SLX4IP: variants seen among roughly 807,000 people sequenced by gnomAD.
SLX4IP encodes protein SLX4IP.
In SLX4IP, 34 loss-of-function variants were observed where a neutral mutation model predicts 32.9. That is an observed-to-expected ratio of 1.03 (90% CI 0.79 to 1.38). The LOEUF is 1.38. Ranked by LOEUF, SLX4IP falls within the 40% of genes most tolerant of loss-of-function variation. The probability of loss-of-function intolerance (pLI) is 0.00; values close to 1 mark genes in which losing one functional copy is unlikely to be tolerated. For synonymous variants in SLX4IP, 172 were observed against 171.7 expected (o/e 1.00, Z -0.01); for missense variants, 444 against 479.0 (o/e 0.93, Z 0.68).
chr20:10,435,618 G>T (rs2122305571), intron 1 of SLX4IP, among the ~76,000 whole-genome samples, 165 bp downstream of exon 1: 1 of 152,296 alleles, frequency 6.6e-6, no homozygotes, highest in East Asian at 1.9e-4. Flanking sequence ...CCAAAAAGTT[G>T]CTAAACATCA....
intron 2 of SLX4IP, among the ~76,000 whole-genome samples, chr20:10,519,183 C>T (rs1051716146): frequency 1.2e-4 from 18 of 152,090 alleles, no homozygotes; most frequent in African/African-American, 3.1e-4. Context: ...ATTGCCTTAT[C>T]GACTTTTAAA....
At chr20:10,451,237 T>C (rs1271558826) in intron 1 of SLX4IP, among the ~76,000 whole-genome samples, 2 of 151,982 alleles carry the variant, frequency 1.3e-5, no homozygotes, top group Non-Finnish European at 2.9e-5. Context: ...CTCGGCTCAC[T>C]GCAATTTGCG....
At chr20:10,481,320 T>C (rs988329405) in intron 2 of SLX4IP, among the ~76,000 whole-genome samples, 4 of 152,188 alleles carry the variant, frequency 2.6e-5, no homozygotes, top group African/African-American at 9.7e-5. Context: ...AGGAAAGATA[T>C]GGAGTCATCT....
intron 2 of SLX4IP, among the ~76,000 whole-genome samples, chr20:10,516,827 G>C (rs958027916): frequency 6.6e-6 from 1 of 152,184 alleles, no homozygotes; most frequent in African/African-American, 2.4e-5. Flanking sequence ...TGTCTGGGCT[G>C]TTATAGCTTT....
chr20:10,503,727 T>C (rs1350244662), intron 2 of SLX4IP, among the ~76,000 whole-genome samples: 1 of 152,216 alleles, frequency 6.6e-6, no homozygotes, highest in Non-Finnish European at 1.5e-5. Context: ...GGCAGGGCCA[T>C]GCTTTCTCTC....
At chr20:10,568,933 T>C (rs1017966123) in intron 4 of SLX4IP, among the ~76,000 whole-genome samples, 7 of 152,234 alleles carry the variant, frequency 4.6e-5, no homozygotes, top group Admixed American at 1.3e-4. Context: ...AAGAATTATC[T>C]CAGAGCCAAT....
intron 4 of SLX4IP, among the ~76,000 whole-genome samples, chr20:10,595,598 C>G (rs2066760655): frequency 6.6e-6 from 1 of 152,172 alleles, no homozygotes; most frequent in Non-Finnish European, 1.5e-5. Flanking sequence ...GCCTCCTGAA[C>G]TCTGTGAAGT....
intron 2 of SLX4IP, among the ~76,000 whole-genome samples, chr20:10,548,578 G>T (rs192031427): frequency 2.0e-5 from 3 of 152,254 alleles, no homozygotes; most frequent in East Asian, 3.9e-4. Flanking sequence ...TCATATTCAG[G>T]CTGTGTCTAA....
chr20:10,525,969 G>A (rs987048409), intron 2 of SLX4IP, among the ~76,000 whole-genome samples: 8 of 152,084 alleles, frequency 5.3e-5, no homozygotes, highest in African/African-American at 1.9e-4. Flanking sequence ...CCTTGCTGCC[G>A]GCATTCTTGG....
chr20:10,495,141 CTG>C (rs1316762702), intron 2 of SLX4IP, among the ~76,000 whole-genome samples: 1 of 152,034 alleles, frequency 6.6e-6, no homozygotes, highest in Non-Finnish European at 1.5e-5. Flanking sequence ...ACGTATATGA[CTG>C]TAAAATATAT....
chr20:10,515,579 CACTT>C (rs1157933819), intron 2 of SLX4IP, among the ~76,000 whole-genome samples: 1 of 152,160 alleles, frequency 6.6e-6, no homozygotes, highest in Non-Finnish European at 1.5e-5. Flanking sequence ...CCAGTCAAAA[CACTT>C]ACAATTATAG....
At chr20:10,438,322 G>A (rs181059002) in intron 1 of SLX4IP, among the ~76,000 whole-genome samples, 55 of 151,694 alleles carry the variant, frequency 3.6e-4, no homozygotes, top group African/African-American at 1.3e-3. Flanking sequence ...TTATGCCAGT[G>A]AAACCATCAC....
intron 4 of SLX4IP, among the ~76,000 whole-genome samples, chr20:10,592,574 C>T (rs1399634130): frequency 7.0e-6 from 1 of 142,518 alleles, no homozygotes; most frequent in Non-Finnish European, 1.5e-5. Flanking sequence ...TGAGTTACAA[C>T]TTCATTTTTC....
At chr20:10,470,315 G>A (rs1183174847) in intron 2 of SLX4IP, among the ~76,000 whole-genome samples, 8 of 152,170 alleles carry the variant, frequency 5.3e-5, no homozygotes, top group Admixed American at 5.2e-4. Flanking sequence ...CAGTCCCAGA[G>A]AATTCCATGG....
chr20:10,502,342 C>A (rs904802506), intron 2 of SLX4IP, among the ~76,000 whole-genome samples: 3 of 152,182 alleles, frequency 2.0e-5, no homozygotes, highest in Non-Finnish European at 4.4e-5. Context: ...GCAGAGGATC[C>A]TGTGAAACAC....
At chr20:10,553,929 G>A (rs187104461) in intron 2 of SLX4IP, among the ~76,000 whole-genome samples, 3 of 152,258 alleles carry the variant, frequency 2.0e-5, no homozygotes, top group African/African-American at 7.2e-5. Context: ...TTTCAGGGAC[G>A]TAATACCTAC....
rs1194785652 is a variant in SLX4IP, at chr20:10,623,402, G to A, written c.*23G>A. ...TAACACCGAAGAGGTTTGTACCGTT[G>A]GAGTTGAGGACATAGTGGCCAAACC... On this transcript the variant is annotated 3_prime_UTR_variant, in exon 8 of 8. Coordinates refer to ENST00000334534, the MANE Select transcript of SLX4IP (RefSeq NM_001009608.3). 5 of 1,579,924 alleles carry A rather than the reference G, an allele frequency of 3.2e-6. No individual in the cohort carries two copies. The Admixed American group carries it at 5.6e-5, about 18-fold the overall frequency.
chr20:10,468,770 TTTATG>T (rs1401265379), intron 2 of SLX4IP, among the ~76,000 whole-genome samples: 5 of 152,174 alleles, frequency 3.3e-5, no homozygotes, highest in African/African-American at 1.2e-4. Flanking sequence ...TTATGTGCAG[TTTATG>T]TTATGTTTTA....
rs772368238 is a variant in SLX4IP, at chr20:10,598,718, A to G, written c.282A>G (p.Ile94Met). 6.2e-7 allele frequency: 1 copy of G among 1,614,158 alleles called. No individual in the cohort carries two copies. The highest frequency in any genetic ancestry group is 8.5e-7 in the Non-Finnish European group (1 of 1,179,988). ...QITAYFLKRG[I>M]RLRCIRSTQN... ...CAGCCTATTTCCTCAAGAGAGGGAT[A>G]CGCCTTCGCTGCATCAGGAGCACAC... Residue 94 changes from isoleucine (I) to methionine (M), a missense_variant, in exon 5 of 8, where the codon ATA (isoleucine) becomes ATG (methionine). Transcript: ENST00000334534.
Sources: allele counts gnomAD v4.1 joint callset (sites outside exome capture counted in the v4.1 genomes callset), GRCh38; gene constraint gnomAD v4.1.1; transcripts MANE v1.5; gene names NCBI Gene and HGNC (gene_info 2026-07-23, HGNC 2026-07-21).